The following UBE2H variants were observed in gnomAD, a reference collection of about 807,000 sequenced individuals.
UBE2H encodes the protein ubiquitin conjugating enzyme E2 H, also known as ubiquitin-conjugating enzyme E2 H.
Under a neutral mutation model 29.0 loss-of-function variants are expected in UBE2H, and 3 were observed. That is an observed-to-expected ratio of 0.10 (90% CI 0.05 to 0.27). UBE2H has a LOEUF of 0.27. UBE2H is among the 10% of genes least tolerant of loss of function. The pLI is 1.00. For synonymous variants in UBE2H, 69 were observed against 82.9 expected (o/e 0.83, Z 0.91); for missense variants, 68 against 228.2 (o/e 0.30, Z 4.52).
intron 5 of UBE2H, among the ~76,000 whole-genome samples, chr7:129,854,071 T>TTTTTTTATTTTTTTTTTTTTA (rs1563022999): frequency 2.7e-5 from 4 of 149,912 alleles, no homozygotes; most frequent in East Asian, 2.0e-4. Flanking sequence ...TTTTTTTTTT[T>TTTTTTTATTTTTTTTTTTTTA]TTTTTTTTTT....
chr7:129,902,784 A>T (rs1806742888), intron 1 of UBE2H, among the ~76,000 whole-genome samples: 1 of 152,122 alleles, frequency 6.6e-6, no homozygotes, highest in Non-Finnish European at 1.5e-5. Flanking sequence ...GCCTCCCCCC[A>T]CCATTTACAA....
chr7:129,915,228 T>C (rs1428391298), intron 1 of UBE2H, among the ~76,000 whole-genome samples: 1 of 152,122 alleles, frequency 6.6e-6, no homozygotes, highest in Non-Finnish European at 1.5e-5. Context: ...CACCTGCTTC[T>C]TCACACTTTA....
At chr7:129,932,111 T>G (rs889427074) in intron 1 of UBE2H, among the ~76,000 whole-genome samples, 2 of 143,960 alleles carry the variant, frequency 1.4e-5, no homozygotes, top group African/African-American at 5.2e-5. Flanking sequence ...TGTGAGCCAC[T>G]GCGCCCAGCC....
At chr7:129,906,354 G>A (rs1006694932) in intron 1 of UBE2H, among the ~76,000 whole-genome samples, 5 of 152,014 alleles carry the variant, frequency 3.3e-5, no homozygotes, top group Non-Finnish European at 7.4e-5. Flanking sequence ...ACAGGTGTGT[G>A]CCACCACATG....
At chr7:129,887,895 C>CAAAACA (rs1554435242) in intron 1 of UBE2H, among the ~76,000 whole-genome samples, 5 of 151,956 alleles carry the variant, frequency 3.3e-5, no homozygotes, top group African/African-American at 7.2e-5. Context: ...AAAAACAAAA[C>CAAAACA]AAAACAAAAG....
chr7:129,873,264 C>T (rs1013351545), intron 3 of UBE2H, among the ~76,000 whole-genome samples: 1 of 151,958 alleles, frequency 6.6e-6, no homozygotes, highest in Non-Finnish European at 1.5e-5. Flanking sequence ...CGTGATCCAC[C>T]CGCCTCAGCC....
chr7:129,949,352 C>A (rs774735357), intron 1 of UBE2H, among the ~76,000 whole-genome samples: 18 of 152,210 alleles, frequency 1.2e-4, no homozygotes, highest in Non-Finnish European at 2.2e-4. Flanking sequence ...GATCACCAAT[C>A]TACCTGACTT....
intron 1 of UBE2H, among the ~76,000 whole-genome samples, chr7:129,919,444 C>T (rs1365460337): frequency 7.0e-6 from 1 of 143,492 alleles, no homozygotes; most frequent in African/African-American, 2.4e-5. Flanking sequence ...GCAGGCTCTC[C>T]TCTGCTTATT....
chr7:129,919,514 A>G (rs1807113938), intron 1 of UBE2H, among the ~76,000 whole-genome samples: 2 of 152,118 alleles, frequency 1.3e-5, no homozygotes, highest in Non-Finnish European at 1.5e-5. Flanking sequence ...TTTCTTGAAT[A>G]ATGTGGTTTT....
chr7:129,880,982 C>A lies in UBE2H; in HGVS notation c.54-11G>T, dbSNP rs555091451. The A allele has an allele frequency of 1.2e-6, 2 of 1,609,858 alleles. No individual in the cohort carries two copies. Among genetic ancestry groups the A allele is most frequent in the Non-Finnish European group, 1.7e-6 (2 of 1,178,294 alleles). On this transcript the variant is annotated splice_polypyrimidine_tract_variant and intron_variant, in intron 1 of 6. Coordinates refer to ENST00000355621, the MANE Select transcript of UBE2H (RefSeq NM_003344.4). ...TGTTTACTCTCGATGCTAAGGTGGA[C>A]GGTAAAGGAAATTACACAGGCTTTA...
chr7:129,935,866 C>G (rs1489655489), intron 1 of UBE2H, among the ~76,000 whole-genome samples: 1 of 152,110 alleles, frequency 6.6e-6, no homozygotes, highest in Non-Finnish European at 1.5e-5. Context: ...GTTTACTCTC[C>G]TAATCTGAAG....
intron 5 of UBE2H, among the ~76,000 whole-genome samples, chr7:129,848,689 C>G (rs564946042): frequency 2.0e-4 from 31 of 152,324 alleles, no homozygotes; most frequent in Admixed American, 3.3e-4. Context: ...ACTTTAGGAA[C>G]TGTATTGAAT....
chr7:129,941,544 G>A (rs1288647082), intron 1 of UBE2H, among the ~76,000 whole-genome samples: 1 of 152,126 alleles, frequency 6.6e-6, no homozygotes, highest in Non-Finnish European at 1.5e-5. Context: ...GTACAAGCCA[G>A]GTCACCTTTT....
intron 1 of UBE2H, among the ~76,000 whole-genome samples, chr7:129,934,969 GTA>G (rs1337534134): frequency 2.7e-5 from 4 of 150,114 alleles, no homozygotes; most frequent in Admixed American, 1.3e-4. Context: ...ATATATATGT[GTA>G]TATATGTGTG....
intron 3 of UBE2H, among the ~76,000 whole-genome samples, chr7:129,870,428 C>A (rs1307148825): frequency 6.6e-6 from 1 of 152,178 alleles, no homozygotes; most frequent in Non-Finnish European, 1.5e-5. Context: ...CCAGCCAGAG[C>A]AACATGGTGA....
In UBE2H at chr7:129,891,410, T is replaced by C. The variant is rs186927297; in HGVS notation, c.54-10439A>G. On this transcript the variant is annotated intron_variant, in intron 1 of 6. Transcript: ENST00000355621. ...GGGGAGGGGATGCAGGGAAGGGACA[T>C]TACCTCACTCACAGAATTGTGGAAA... Among the ~76,000 whole-genome samples the C allele has an allele frequency of 3.7e-4, 56 of 152,198 alleles. No individual in the cohort carries two copies. The East Asian group carries it at 6.6e-3, about 18-fold the overall frequency.
intron 5 of UBE2H, chr7:129,857,286 T>G (rs1805724249): frequency 1.8e-6 from 1 of 559,926 alleles, no homozygotes; most frequent in African/African-American, 1.9e-5. Flanking sequence ...TCACTATACC[T>G]TAAGTTTGGA....
In UBE2H at chr7:129,913,239, C is replaced by A. The variant is rs1336939497; in HGVS notation, c.54-32268G>T. The stretch of plus-strand genomic sequence containing the variant: ...TGCACTCCAGCCTGGGCAGCAAGAG[C>A]GAAACTCCGTCTCAAAAAAAAAAAA... On this transcript the variant is annotated intron_variant, in intron 1 of 6. Coordinates refer to ENST00000355621, the MANE Select transcript of UBE2H (RefSeq NM_003344.4). Among the ~76,000 whole-genome samples the A allele has an allele frequency of 2.4e-5, 3 of 126,714 alleles. No individual in the cohort carries two copies. In the Admixed American group the frequency reaches 2.8e-4, roughly 12 times the overall value. 83.1% of individuals were successfully genotyped at this position (126,714 alleles called of 152,430 possible). A position where few individuals can be genotyped will look rare whatever the true frequency, so the allele number is the denominator to read the frequency against.
chr7:129,886,767 T>TTTTTTTTTG (rs1554435104), intron 1 of UBE2H, among the ~76,000 whole-genome samples: 2 of 72,066 alleles, frequency 2.8e-5, no homozygotes, highest in African/African-American at 1.1e-4. Flanking sequence ...TGTTTTTTGG[T>TTTTTTTTTG]AAAAAAAAAA....
Sources: gnomAD v4.1 joint callset for allele counts (sites outside exome capture counted in the v4.1 genomes callset) on GRCh38, gnomAD v4.1.1 for gene constraint, MANE v1.5 for transcripts, NCBI Gene and HGNC (gene_info 2026-07-23, HGNC 2026-07-21) for gene names.